The following RIT2 variants were observed in gnomAD, a reference collection of about 807,000 sequenced individuals.
The protein encoded by RIT2 is GTP-binding protein Rit2.
Under a neutral mutation model 23.7 loss-of-function variants are expected in RIT2, and 24 were observed. The ratio of observed to expected loss-of-function variants is 1.01; its 90% CI spans 0.73 to 1.43. The LOEUF is 1.43. Ranked by LOEUF, RIT2 falls within the 40% of genes most tolerant of loss-of-function variation. The probability of loss-of-function intolerance (pLI) is 0.00; values close to 1 mark genes in which losing one functional copy is unlikely to be tolerated. For missense variants in RIT2, 236 were observed against 266.9 expected (o/e 0.88, Z 0.81); for synonymous variants, 107 against 91.1 (o/e 1.17, Z -0.99).
intron 4 of RIT2, among the ~76,000 whole-genome samples, chr18:42,920,105 A>G (rs768697224): frequency 3.5e-4 from 53 of 152,258 alleles, no homozygotes; most frequent in Admixed American, 2.7e-3. Context: ...TGGCTTATCC[A>G]TGGCCTGGAA....
At chr18:42,926,092 A>G (rs1002186506) in intron 3 of RIT2, among the ~76,000 whole-genome samples, 1 of 151,702 alleles carries the variant, frequency 6.6e-6, no homozygotes, top group Non-Finnish European at 1.5e-5. Flanking sequence ...TATACCTGAG[A>G]ATCTTTTTGG....
At chr18:42,835,149 A>T (rs995687509) in intron 4 of RIT2, among the ~76,000 whole-genome samples, 1 of 152,168 alleles carries the variant, frequency 6.6e-6, no homozygotes, top group African/African-American at 2.4e-5. Flanking sequence ...ACAAGTCAAA[A>T]CATGTATTGA....
intron 4 of RIT2, among the ~76,000 whole-genome samples, chr18:42,886,188 T>C (rs1908018392): frequency 1.3e-5 from 2 of 152,346 alleles, no homozygotes; most frequent in South Asian, 2.1e-4. Flanking sequence ...AATTTTGAAA[T>C]ACATTTCTAC....
At chr18:42,906,006 ACATATATATATATATG>A (rs1363241526) in intron 4 of RIT2, among the ~76,000 whole-genome samples, 44 of 1,602 alleles carry the variant, frequency 0.027, no homozygotes, top group African/African-American at 0.11. Context: ...ATATATATAT[ACATATATATATATATG>A]TATATATATA....
At chr18:42,947,231 G>A (rs1404493153) in intron 3 of RIT2, among the ~76,000 whole-genome samples, 1 of 152,078 alleles carries the variant, frequency 6.6e-6, no homozygotes, top group Admixed American at 6.6e-5. Flanking sequence ...TTGAGATGCA[G>A]ACATAGTGAA....
intron 4 of RIT2, among the ~76,000 whole-genome samples, chr18:42,893,270 C>T (rs1052916684): frequency 1.9e-4 from 28 of 150,460 alleles, no homozygotes; most frequent in African/African-American, 6.6e-4. Context: ...CTATGCTGTG[C>T]TGCTATAATA....
chr18:42,835,651 A>G (rs1906579760), intron 4 of RIT2, among the ~76,000 whole-genome samples: 1 of 152,160 alleles, frequency 6.6e-6, no homozygotes. Context: ...AAGGTTTTCA[A>G]TGTAAAGAAA....
chr18:42,813,437 G>A (rs949658237), intron 4 of RIT2, among the ~76,000 whole-genome samples: 4 of 151,808 alleles, frequency 2.6e-5, no homozygotes. Flanking sequence ...AATTTTTTTG[G>A]CATTGCAGTT....
intron 4 of RIT2, among the ~76,000 whole-genome samples, chr18:42,911,876 AC>A (rs1488151607): frequency 6.6e-6 from 1 of 151,950 alleles, no homozygotes; most frequent in African/African-American, 2.4e-5. Context: ...AAGAGTTAAC[AC>A]AAATTTTACA....
intron 4 of RIT2, among the ~76,000 whole-genome samples, chr18:42,867,530 T>G (rs1420410706): frequency 6.6e-6 from 1 of 151,890 alleles, no homozygotes; most frequent in East Asian, 1.9e-4. Flanking sequence ...TAGAGGCTCA[T>G]GCCTGTAATC....
At chr18:43,052,169 C>T (rs1912399059) in intron 1 of RIT2, among the ~76,000 whole-genome samples, 1 of 152,124 alleles carries the variant, frequency 6.6e-6, no homozygotes, top group African/African-American at 2.4e-5. Flanking sequence ...TTTTCCTTCT[C>T]TCAATGTCAA....
chr18:42,783,625 C>T (rs1303135467), intron 4 of RIT2, among the ~76,000 whole-genome samples: 2 of 151,988 alleles, frequency 1.3e-5, no homozygotes, highest in Non-Finnish European at 1.5e-5. Flanking sequence ...GTGAGAGCTA[C>T]ATGTGAAATG....
At chr18:43,019,515 CTAGACA>C (rs1911549012) in intron 2 of RIT2, among the ~76,000 whole-genome samples, 1 of 151,612 alleles carries the variant, frequency 6.6e-6, no homozygotes, top group South Asian at 2.1e-4. Context: ...ACCCCAAAAA[CTAGACA>C]TAGAAGTAAC....
chr18:42,952,093 A>C (rs1909864529), intron 3 of RIT2, among the ~76,000 whole-genome samples: 1 of 152,084 alleles, frequency 6.6e-6, no homozygotes, highest in Non-Finnish European at 1.5e-5. Flanking sequence ...ATTACCTCCT[A>C]CTGGGTCCCT....
At chr18:42,795,481 C>T (rs547856085) in intron 4 of RIT2, among the ~76,000 whole-genome samples, 3 of 152,348 alleles carry the variant, frequency 2.0e-5, no homozygotes, top group East Asian at 3.9e-4. Context: ...GGGCAGGGCT[C>T]GGGACCGGCA....
At chr18:43,032,743 T>C (rs192007423) in intron 2 of RIT2, among the ~76,000 whole-genome samples, 158 of 152,198 alleles carry the variant, frequency 1.0e-3, no homozygotes, top group African/African-American at 3.6e-3. Context: ...GTGGTCTTAA[T>C]AAATAATCAG....
rs539947383 is a variant in RIT2 at position 43,113,120 on chromosome 18, C to T, written c.103+2297G>A. Among the ~76,000 whole-genome samples, 13 of 152,196 alleles carry T rather than the reference C, an allele frequency of 8.5e-5. No homozygotes were observed. The South Asian group carries it at 2.7e-3, about 32-fold the overall frequency. ...TGTATATTTTTAGCTCATTTGAAAGCAAATATTTTAACCTTCAATAGAAGG... is the reference window on the plus strand; with the variant it reads ...TGTATATTTTTAGCTCATTTGAAAGTAAATATTTTAACCTTCAATAGAAGG... On this transcript the variant is annotated intron_variant, in intron 1 of 4. Coordinates refer to ENST00000326695, the MANE Select transcript of RIT2 (RefSeq NM_002930.4).
chr18:42,761,622 T>TC (rs1913305441), intron 4 of RIT2, among the ~76,000 whole-genome samples: 1 of 152,214 alleles, frequency 6.6e-6, no homozygotes, highest in Non-Finnish European at 1.5e-5. Flanking sequence ...TCTGAGTTCA[T>TC]CCCCCTCTCA....
intron 4 of RIT2, among the ~76,000 whole-genome samples, chr18:42,755,708 T>A (rs1913146053): frequency 6.6e-6 from 1 of 152,182 alleles, no homozygotes; most frequent in Non-Finnish European, 1.5e-5. Flanking sequence ...GAGGGCTCAT[T>A]ATTTGTGGAT....
Sources: allele counts gnomAD v4.1 joint callset (sites outside exome capture counted in the v4.1 genomes callset), GRCh38; gene constraint gnomAD v4.1.1; transcripts MANE v1.5; gene names NCBI Gene and HGNC (gene_info 2026-07-23, HGNC 2026-07-21).